Variants in SORBS3 observed in about 807,000 individuals in gnomAD.
SORBS3 encodes the protein sorbin and SH3 domain containing 3, also known as vinexin.
In SORBS3, 69 loss-of-function variants were observed where a neutral mutation model predicts 98.0. The observed-to-expected ratio is 0.70, with a 90% confidence interval of 0.58 to 0.86. The LOEUF is 0.86. Among genes scored for constraint, SORBS3 ranks in the 40% least tolerant of loss-of-function variants. The pLI, the probability that SORBS3 is intolerant of heterozygous loss-of-function variation, is 0.00. For synonymous variants in SORBS3, 394 were observed against 355.4 expected (o/e 1.11, Z -1.22); for missense variants, 954 against 908.5 (o/e 1.05, Z -0.64).
intron 12 of SORBS3, 137 bp from the exon 13 acceptor site, chr8:22,566,208 G>A (rs1386779988): frequency 4.3e-6 from 5 of 1,171,030 alleles, no homozygotes; most frequent in Non-Finnish European, 4.7e-6. Context: ...GACATCCTGT[G>A]GAGAGCCCAG....
At chr8:22,565,482 G>C (rs1027004226) in intron 11 of SORBS3, 128 bp downstream of exon 11, 1 of 729,956 alleles carries the variant, frequency 1.4e-6, no homozygotes, top group Non-Finnish European at 2.0e-6. Context: ...GGCGCGCACC[G>C]GCCTCGGGCC....
chr8:22,554,462 G>T lies in SORBS3; in HGVS notation c.-45G>T. The T allele has an allele frequency of 6.3e-7, 1 of 1,593,838 alleles. No homozygotes were observed. On this transcript the variant is annotated 5_prime_UTR_variant, in exon 2 of 21. Coordinates refer to ENST00000240123, the MANE Select transcript of SORBS3 (RefSeq NM_005775.5). The surrounding 1 kb of genome is among the most constrained non-coding windows in gnomAD (Gnocchi z 6.5). The stretch of plus-strand genomic sequence containing the variant: ...CCTCCTTCCCCACAGAGGACACGCA[G>T]AGGAGCAGCTGGCTTGCCCGGAGTC...
At chr8:22,566,028 C>G (rs1202166414) in intron 12 of SORBS3, 156 bp downstream of exon 12, 5 of 592,158 alleles carry the variant, frequency 8.4e-6, no homozygotes, top group African/African-American at 3.9e-5. Context: ...CAGCGCCACT[C>G]TCTGCGGGGC....
At chr8:22,562,389 G>A (rs557003427) in intron 7 of SORBS3, among the ~76,000 whole-genome samples, 1 of 152,332 alleles carries the variant, frequency 6.6e-6, no homozygotes, top group African/African-American at 2.4e-5. Context: ...AGAGAGAGGA[G>A]CCCCTTGGAG....
intron 4 of SORBS3, among the ~76,000 whole-genome samples, chr8:22,557,475 G>C (rs1237412078): frequency 6.6e-6 from 1 of 152,084 alleles, no homozygotes; most frequent in Non-Finnish European, 1.5e-5. Flanking sequence ...GGATGAAGCA[G>C]GTGATGTGAA....
At chr8:22,563,569 C>T (rs927592140) in intron 7 of SORBS3, among the ~76,000 whole-genome samples, 5 of 152,196 alleles carry the variant, frequency 3.3e-5, no homozygotes, top group South Asian at 2.1e-4. Context: ...GCTGCACAGA[C>T]GCACATAGCC....
rs551952396 is a variant in SORBS3, at chr8:22,559,429, G to A, written c.478+1237G>A. 8.5e-5 allele frequency among the ~76,000 whole-genome samples: 13 copies of A among 152,122 alleles called. 1 individual carries two copies. The highest frequency in any genetic ancestry group is 3.9e-4 in the Admixed American group (6 of 15,270). ...GGAGTAGCATTCACAGGCCGGGCGC[G>A]GTGGCTCACGCCTGTAATCCTAGCA... On this transcript the variant is annotated intron_variant, in intron 5 of 20. Transcript: ENST00000240123.
chr8:22,572,264 C>A, intron 19 of SORBS3, 76 bp from the exon 20 acceptor site: 1 of 1,170,788 alleles, frequency 8.5e-7, no homozygotes, highest in Non-Finnish European at 1.3e-6. Context: ...GACCCTGGGG[C>A]ATTCACAGGA....
Position 22,574,738 on chromosome 8 carries a change from A to C in SORBS3, c.*10A>C. On this transcript the variant is annotated 3_prime_UTR_variant, in exon 21 of 21. Coordinates refer to ENST00000240123, the MANE Select transcript of SORBS3 (RefSeq NM_005775.5). The stretch of plus-strand genomic sequence containing the variant: ...CGTTGCCCCGGTGTGAGTGGTCTCC[A>C]TGGCAACTTGGAGCCAGCCAGGATG... The C allele has an allele frequency of 6.2e-7, 1 of 1,610,828 alleles. No individual in the cohort carries two copies. The highest frequency in any genetic ancestry group is 8.5e-7 in the Non-Finnish European group (1 of 1,177,538).
chr8:22,571,016 C>T lies in SORBS3; in HGVS notation c.1538C>T (p.Ser513Phe), dbSNP rs200621603. Residue 513 changes from serine (S) to phenylalanine (F), a missense_variant, in exon 18 of 21, where the codon TCT (serine) becomes TTT (phenylalanine). Coordinates refer to ENST00000240123, the MANE Select transcript of SORBS3 (RefSeq NM_005775.5). The part of the protein sequence containing the change: ...GIFPASYVQV[S>F]REPRLRLCDD... Reference sequence around the variant, plus strand: ...TTCCCTGCCAGCTACGTGCAGGTGTCTCGTGAACCCCGGCTCCGGCTCTGT... The same window carrying T: ...TTCCCTGCCAGCTACGTGCAGGTGTTTCGTGAACCCCGGCTCCGGCTCTGT... 313 of 1,613,590 alleles carry T rather than the reference C, an allele frequency of 1.9e-4. No homozygotes were observed. The highest frequency in any genetic ancestry group is 2.4e-4 in the Non-Finnish European group (288 of 1,179,938).
rs369323088 is a variant in SORBS3, at chr8:22,556,721, C to T, written c.227C>T (p.Ala76Val). 37 of 1,613,544 alleles carry T rather than the reference C, an allele frequency of 2.3e-5. No homozygotes were observed. The highest frequency in any genetic ancestry group is 1.4e-4 in the South Asian group (13 of 91,080). ...TCCTGCACGCACCCAACAGACCCTG[C>T]GTGGTATCAGACCTGGCCAGGCCCT... is the stretch of plus-strand genomic sequence containing the variant. ...RRDASQHPDP[A>V]WYQTWPGPGS... Residue 76 changes from alanine to valine, a missense_variant, in exon 4 of 21, where the codon GCG (alanine) becomes GTG (valine). Transcript: ENST00000240123.
At chr8:22,552,527 C>T (rs750496230) in intron 1 of SORBS3, among the ~76,000 whole-genome samples, 6 of 152,090 alleles carry the variant, frequency 3.9e-5, no homozygotes, top group Non-Finnish European at 7.4e-5. Flanking sequence ...TGGTGGGGGG[C>T]GACACAAGGG....
In SORBS3 at chr8:22,554,357, C is replaced by A; in HGVS notation, c.-55-95C>A. On this transcript the variant is annotated intron_variant, in intron 1 of 20. Coordinates refer to ENST00000240123, the MANE Select transcript of SORBS3 (RefSeq NM_005775.5). The surrounding 1 kb of genome is among the most constrained non-coding windows in gnomAD (Gnocchi z 6.5). ...CCCAGCTGGTCCTGACCCCCTCCCA[C>A]AGCCGGCCCCTCCTCCCCTATCCCA... The A allele has an allele frequency of 7.6e-7, 1 of 1,320,748 alleles. No individual in the cohort carries two copies. The highest frequency in any genetic ancestry group is 1.0e-6 in the Non-Finnish European group (1 of 996,586). The allele number at this position is 1,320,748 out of a possible 1,614,324, so 81.8% of individuals were successfully genotyped here.
upstream of SORBS3, chr8:22,551,828 C>T (rs1350640180): frequency 1.0e-6 from 1 of 985,990 alleles, no homozygotes; most frequent in Non-Finnish European, 1.2e-6. The surrounding 1 kb of genome is among the most constrained non-coding windows in gnomAD (Gnocchi z 5.8). Flanking sequence ...CTCCGGCGCG[C>T]GCCCCTTCGG....
chr8:22,565,029 G>A, intron 10 of SORBS3: 1 of 1,398,982 alleles, frequency 7.1e-7, no homozygotes, highest in Non-Finnish European at 9.3e-7. Flanking sequence ...CTGCGGAATC[G>A]CGGGATCAGG....
At position 22,565,361 on chromosome 8, in the gene SORBS3, G is replaced by C. The variant is rs1563829103; in HGVS notation, c.903+7G>C. On this transcript the variant is annotated splice_region_variant and intron_variant, in intron 11 of 20. Coordinates refer to ENST00000240123, the MANE Select transcript of SORBS3 (RefSeq NM_005775.5). ...CCGACTGCCGTCCCCCAAGGTACCAGCCCCCAGGGTTCACCCGCGGGGCAC... is the reference window on the plus strand; with the variant it reads ...CCGACTGCCGTCCCCCAAGGTACCACCCCCCAGGGTTCACCCGCGGGGCAC... 2 of 1,545,508 alleles carry C rather than the reference G, an allele frequency of 1.3e-6. No individual in the cohort carries two copies. The highest frequency in any genetic ancestry group is 4.9e-5 in the East Asian group (2 of 40,498).
At chr8:22,565,171 G>A in intron 10 of SORBS3, 97 bp from the exon 11 acceptor site, 1 of 1,485,610 alleles carries the variant, frequency 6.7e-7, no homozygotes, top group Non-Finnish European at 9.1e-7. Context: ...ACGCCGGCCC[G>A]GTGCGCTGGC....
Position 22,554,892 on chromosome 8 carries a change from CA to C in SORBS3, c.133del (p.Thr45ProfsTer133), listed in dbSNP as rs772683396. Reference sequence around the variant, plus strand: ...CCGTGATCCGGAATGGTGGCTCCAACACCCTTAATTTCCAGTTCCACGACCC... The same window carrying C: ...CCGTGATCCGGAATGGTGGCTCCAACCCCTTAATTTCCAGTTCCACGACCC... ...VPVIRNGGSN[T>X]LNFQFHDPAP... On this transcript the variant is annotated frameshift_variant, in exon 3 of 21. Coordinates refer to ENST00000240123, the MANE Select transcript of SORBS3 (RefSeq NM_005775.5). LOFTEE classifies it high-confidence loss of function. This position sits in a 1 kb window ranked among gnomAD's most constrained non-coding sequence, Gnocchi z 6.5. The C allele has an allele frequency of 6.2e-7, 1 of 1,607,346 alleles. No individual in the cohort carries two copies. The highest frequency in any genetic ancestry group is 1.3e-5 in the African/African-American group (1 of 74,754).
intron 10 of SORBS3, 128 bp from the exon 11 acceptor site, chr8:22,565,140 C>G: frequency 6.8e-7 from 1 of 1,474,514 alleles, no homozygotes; most frequent in Non-Finnish European, 9.1e-7. Flanking sequence ...GAGCCCGGCC[C>G]GTGCGCTGAG....
Sources: gnomAD v4.1 joint callset for allele counts (sites outside exome capture counted in the v4.1 genomes callset) on GRCh38, gnomAD v4.1.1 for gene constraint, Gnocchi (gnomAD v3.1) non-coding constraint, MANE v1.5 for transcripts, NCBI Gene and HGNC (gene_info 2026-07-23, HGNC 2026-07-21) for gene names.